The following LDLRAD3 variants were observed in gnomAD, a reference collection of about 807,000 sequenced individuals.
LDLRAD3 encodes low-density lipoprotein receptor class A domain-containing protein 3.
LDLRAD3 carries 20 observed loss-of-function variants against 29.4 expected under a neutral mutation model. The observed-to-expected ratio is 0.68, with a 90% CI of 0.48 to 0.99. The LOEUF is 0.99. Among genes scored for constraint, LDLRAD3 ranks in the 50% least tolerant of loss-of-function variants. The pLI is 0.00. For synonymous variants in LDLRAD3, 157 were observed against 192.7 expected (o/e 0.81, Z 1.53); for missense variants, 420 against 454.3 (o/e 0.92, Z 0.69).
At chr11:35,968,385 C>T in intron 1 of LDLRAD3, 1 of 360,798 alleles carries the variant, frequency 2.8e-6, no homozygotes. Context: ...GAGGGGCTGG[C>T]ACCATGTGGC....
intron 2 of LDLRAD3, among the ~76,000 whole-genome samples, chr11:36,067,358 CATTTTAT>C (rs1302757541): frequency 6.6e-6 from 1 of 152,146 alleles, no homozygotes; most frequent in African/African-American, 2.4e-5. Flanking sequence ...CATAACACTA[CATTTTAT>C]ATTTTATAAT....
intron 4 of LDLRAD3, among the ~76,000 whole-genome samples, chr11:36,115,834 C>T (rs1040023206): frequency 6.6e-6 from 1 of 152,146 alleles, no homozygotes; most frequent in East Asian, 1.9e-4. Flanking sequence ...TGGAGGAGAA[C>T]ATTAGATGTG....
At chr11:36,078,157 A>T (rs1265810260) in intron 2 of LDLRAD3, among the ~76,000 whole-genome samples, 2 of 152,108 alleles carry the variant, frequency 1.3e-5, no homozygotes, top group Non-Finnish European at 2.9e-5. Flanking sequence ...GAGGAAGTGC[A>T]TGCTGATTAA....
intron 4 of LDLRAD3, among the ~76,000 whole-genome samples, chr11:36,146,118 A>T (rs891221888): frequency 2.2e-4 from 33 of 152,176 alleles, no homozygotes; most frequent in African/African-American, 7.7e-4. Flanking sequence ...TGCTGGTGAG[A>T]AGCACCAAGA....
intron 1 of LDLRAD3, among the ~76,000 whole-genome samples, chr11:35,963,548 TC>T (rs1851304635): frequency 6.6e-6 from 1 of 152,186 alleles, no homozygotes; most frequent in Admixed American, 6.5e-5. Flanking sequence ...ATTAAAGCCT[TC>T]TTCCTTGGCA....
intron 1 of LDLRAD3, among the ~76,000 whole-genome samples, chr11:35,952,297 GAGA>G (rs1400301708): frequency 9.2e-5 from 14 of 152,178 alleles, no homozygotes; most frequent in African/African-American, 3.4e-4. Flanking sequence ...TATGTGTTGG[GAGA>G]AGAATTGCAC....
At chr11:35,991,760 G>T (rs1851692725) in intron 1 of LDLRAD3, among the ~76,000 whole-genome samples, 2 of 152,150 alleles carry the variant, frequency 1.3e-5, no homozygotes, top group Non-Finnish European at 2.9e-5. Flanking sequence ...TTTGCTGGTG[G>T]AGGGAGCTGC....
chr11:36,227,594 A>G (rs780267404), intron 5 of LDLRAD3, among the ~76,000 whole-genome samples, 164 bp downstream of exon 5: 1 of 152,156 alleles, frequency 6.6e-6, no homozygotes, highest in Non-Finnish European at 1.5e-5. Flanking sequence ...AATTCTCTAC[A>G]TGTATCACCT....
chr11:36,076,225 C>T (rs1852998846), intron 2 of LDLRAD3, among the ~76,000 whole-genome samples: 1 of 148,050 alleles, frequency 6.8e-6, no homozygotes, highest in Non-Finnish European at 1.5e-5. Flanking sequence ...TCCATCCGTC[C>T]ATCCATCCAT....
chr11:35,954,641 G>C lies in LDLRAD3; in HGVS notation c.46+10497G>C, dbSNP rs187833383. ...CCTGGCCAAGCTAACTTTGCCTTTT[G>C]GTGAAAATTGCTTCTCCTTCGCTGG... On this transcript the variant is annotated intron_variant, in intron 1 of 5. Coordinates refer to ENST00000315571, the MANE Select transcript of LDLRAD3 (RefSeq NM_174902.4). Among the ~76,000 whole-genome samples the C allele has an allele frequency of 3.9e-5, 6 of 152,264 alleles. No individual in the cohort carries two copies. The East Asian group carries it at 1.2e-3, about 29-fold the overall frequency.
intron 4 of LDLRAD3, among the ~76,000 whole-genome samples, chr11:36,135,079 G>T (rs1853984672): frequency 6.6e-6 from 1 of 152,186 alleles, no homozygotes; most frequent in Non-Finnish European, 1.5e-5. Context: ...CAAAAGAAGA[G>T]TGATGTTTGG....
chr11:35,953,411 T>C (rs187423004), intron 1 of LDLRAD3, among the ~76,000 whole-genome samples: 1 of 152,356 alleles, frequency 6.6e-6, no homozygotes, highest in Admixed American at 6.5e-5. Flanking sequence ...TATGTGTTTG[T>C]TGGCATAAAG....
intron 1 of LDLRAD3, among the ~76,000 whole-genome samples, chr11:35,960,561 A>G (rs146118960): frequency 1.4e-3 from 209 of 152,202 alleles, no homozygotes; most frequent in African/African-American, 4.8e-3. Flanking sequence ...TTGTTTCTCC[A>G]AGGTGCAAGG....
intron 4 of LDLRAD3, among the ~76,000 whole-genome samples, chr11:36,193,648 T>G (rs1854989286): frequency 6.6e-6 from 1 of 152,180 alleles, no homozygotes. Flanking sequence ...AGAGCACCAC[T>G]TAGTTTTAAT....
intron 2 of LDLRAD3, among the ~76,000 whole-genome samples, chr11:36,058,521 C>A (rs982405089): frequency 6.6e-6 from 1 of 152,184 alleles, no homozygotes; most frequent in Non-Finnish European, 1.5e-5. Context: ...AGTGGCACTG[C>A]AAATCAAAAC....
At chr11:36,000,615 C>T (rs186760861) in intron 1 of LDLRAD3, among the ~76,000 whole-genome samples, 10 of 152,158 alleles carry the variant, frequency 6.6e-5, no homozygotes, top group South Asian at 2.1e-4. Flanking sequence ...TGCTGTTAAA[C>T]GGTATGTCTA....
chr11:36,130,889 C>T (rs1212645322), intron 4 of LDLRAD3, among the ~76,000 whole-genome samples: 6 of 152,186 alleles, frequency 3.9e-5, no homozygotes, highest in African/African-American at 4.8e-5. Context: ...AAGTCCAGTG[C>T]GCACTATCTC....
chr11:36,121,171 A>G (rs959752039), intron 4 of LDLRAD3, among the ~76,000 whole-genome samples: 1 of 152,230 alleles, frequency 6.6e-6, no homozygotes, highest in Non-Finnish European at 1.5e-5. Context: ...ATAAACGACC[A>G]GAGGAGTAAT....
At chr11:36,105,238 T>TGTGTGTGTGA (rs1343780985) in intron 4 of LDLRAD3, among the ~76,000 whole-genome samples, 4 of 128,344 alleles carry the variant, frequency 3.1e-5, no homozygotes, top group African/African-American at 6.1e-5. Flanking sequence ...TGTGTGTGTG[T>TGTGTGTGTGA]GAGAGAGAGA....
Sources: allele counts gnomAD v4.1 joint callset (sites outside exome capture counted in the v4.1 genomes callset), GRCh38; gene constraint gnomAD v4.1.1; transcripts MANE v1.5; gene names NCBI Gene and HGNC (gene_info 2026-07-23, HGNC 2026-07-21).